The following XPO7 variants were observed in gnomAD, a reference collection of about 807,000 sequenced individuals.
XPO7 encodes the protein exportin-7.
Under a neutral mutation model 144.3 loss-of-function variants are expected in XPO7, and 21 were observed. The observed-to-expected ratio is 0.15, with a 90% CI of 0.10 to 0.21. XPO7 has a LOEUF of 0.21. Among genes scored for constraint, XPO7 ranks in the 10% least tolerant of loss-of-function variants. XPO7 has a pLI of 1.00. For synonymous variants in XPO7, 580 were observed against 499.6 expected (o/e 1.16, Z -2.15); for missense variants, 808 against 1,325.8 (o/e 0.61, Z 6.06).
At chr8:21,925,843 C>T (rs750427291) in intron 1 of XPO7, among the ~76,000 whole-genome samples, 5 of 152,186 alleles carry the variant, frequency 3.3e-5, no homozygotes, top group African/African-American at 4.8e-5. Flanking sequence ...TATTTATGCT[C>T]AAACCAACAT....
At chr8:21,970,349 C>G in intron 4 of XPO7, 39 bp downstream of exon 4, 1 of 1,567,826 alleles carries the variant, frequency 6.4e-7, no homozygotes, top group South Asian at 1.2e-5. Context: ...AATGGGAGAA[C>G]CAGCATATAC....
chr8:22,005,263 C>G lies in XPO7; in HGVS notation c.*175C>G. 1 of 428,688 alleles carries G rather than the reference C, an allele frequency of 2.3e-6. No homozygotes were observed. The highest frequency in any genetic ancestry group is 3.6e-5 in the East Asian group (1 of 27,576). 26.6% of individuals were successfully genotyped at this position (428,688 alleles called of 1,614,324 possible). On this transcript the variant is annotated 3_prime_UTR_variant, in exon 28 of 28. Coordinates refer to ENST00000252512, the MANE Select transcript of XPO7 (RefSeq NM_015024.5). Reference sequence around the variant, plus strand: ...GGGAATAGGGGTGTGAGTACACTCACTAGGGGGCAGGGCGCTGCTGGTTCC... The same window carrying G: ...GGGAATAGGGGTGTGAGTACACTCAGTAGGGGGCAGGGCGCTGCTGGTTCC...
chr8:21,940,493 G>A lies in XPO7; in HGVS notation c.18+20705G>A, dbSNP rs184799666. The stretch of plus-strand genomic sequence containing the variant: ...GTTAGGCTTTTTTTTTTTTTGAGCC[G>A]GAGTCTCACTGTGTCACCCAGGCTG... On this transcript the variant is annotated intron_variant, in intron 1 of 27. Transcript: ENST00000252512. Among the ~76,000 whole-genome samples, 510 of 150,526 alleles carry A rather than the reference G, an allele frequency of 3.4e-3. 2 individuals carry two copies. Among genetic ancestry groups the A allele is most frequent in the Middle Eastern group, 6.8e-3 (2 of 292 alleles).
intron 12 of XPO7, 93 bp downstream of exon 12, chr8:21,984,932 A>C: frequency 7.4e-7 from 1 of 1,354,610 alleles, no homozygotes; most frequent in Non-Finnish European, 1.0e-6. Flanking sequence ...ACCTCCCTGC[A>C]AAAGGATTCT....
Position 21,953,625 on chromosome 8 carries a change from G to A in XPO7, c.19-13232G>A, listed in dbSNP as rs555445252. Among the ~76,000 whole-genome samples the A allele has an allele frequency of 2.6e-5, 4 of 152,156 alleles. No individual in the cohort carries two copies. The East Asian group carries it at 7.7e-4, about 29-fold the overall frequency. On this transcript the variant is annotated intron_variant, in intron 1 of 27. Transcript: ENST00000252512. ...TCTTGTAAAGTGGCTGTACCATTTT[G>A]CATTCTCACCAACAGTTCCTGTTGT...
chr8:21,985,442 A>C, intron 12 of XPO7, 144 bp from the exon 13 acceptor site: 2 of 753,110 alleles, frequency 2.7e-6, no homozygotes, highest in East Asian at 5.0e-5. Context: ...GCCCTTACCA[A>C]AGCAGAGAAG....
chr8:21,969,972 CTTAAAT>C (rs1811999192), intron 3 of XPO7, 166 bp from the exon 4 acceptor site: 3 of 753,590 alleles, frequency 4.0e-6, no homozygotes, highest in South Asian at 2.1e-5. Flanking sequence ...ACCTACTAAT[CTTAAAT>C]TTAAAGTCCC....
chr8:21,928,160 T>C (rs1013430091), intron 1 of XPO7, among the ~76,000 whole-genome samples: 5 of 152,246 alleles, frequency 3.3e-5, no homozygotes, highest in African/African-American at 9.6e-5. Context: ...GTTTGCATTT[T>C]CTGGAATTTT....
Position 21,970,271 on chromosome 8 carries a change from C to G in XPO7, c.387C>G (p.Val129=), listed in dbSNP as rs752777783. The G allele has an allele frequency of 1.2e-6, 2 of 1,613,442 alleles. No individual in the cohort carries two copies. The highest frequency in any genetic ancestry group is 1.1e-5 in the South Asian group (1 of 91,070). Residue 129 remains valine, a synonymous_variant, in exon 4 of 28, where the codon GTC becomes GTG. Transcript: ENST00000252512. ...TTGACTGTCAGAAGGATGACTATGTCTTCAGAAATGCAATCACAGACGTCA... is the reference window on the plus strand; with the variant it reads ...TTGACTGTCAGAAGGATGACTATGTGTTCAGAAATGCAATCACAGACGTCA... ...GWFDCQKDDY[V]FRNAITDVTR...
chr8:22,000,513 C>T (rs566320644), intron 24 of XPO7, among the ~76,000 whole-genome samples: 100 of 141,536 alleles, frequency 7.1e-4, no homozygotes, highest in African/African-American at 2.5e-3. Flanking sequence ...AGTGCAGTGG[C>T]GCGATCTCAG....
At chr8:21,938,466 A>G (rs942688457) in intron 1 of XPO7, among the ~76,000 whole-genome samples, 3 of 152,144 alleles carry the variant, frequency 2.0e-5, no homozygotes, top group African/African-American at 7.2e-5. Flanking sequence ...TCATTATATC[A>G]GGACTGCTGG....
Position 21,991,956 on chromosome 8 carries a change from C to G in XPO7, c.2130C>G (p.Phe710Leu). The change falls in exon 19 of 28, where the codon TTC (phenylalanine) becomes TTG (leucine). Residue 710 changes from phenylalanine to leucine, a missense_variant. This residue lies in a region of XPO7 where 416 missense variants were observed against 612.5 expected (regional missense o/e 0.68). Transcript: ENST00000252512. ...CCCAGATGTTTAGCACCAATAGTTT[C>G]AACGAGCAGGAGGCAAAGGTGAGTG... is the stretch of plus-strand genomic sequence containing the variant. ...AVAQMFSTNS[F>L]NEQEAKRTLV... The G allele has an allele frequency of 6.2e-7, 1 of 1,613,438 alleles. No individual in the cohort carries two copies. The highest frequency in any genetic ancestry group is 8.5e-7 in the Non-Finnish European group (1 of 1,179,742).
chr8:21,951,331 A>G (rs1423099958), intron 1 of XPO7, among the ~76,000 whole-genome samples: 1 of 151,718 alleles, frequency 6.6e-6, no homozygotes, highest in Non-Finnish European at 1.5e-5. Flanking sequence ...CTACACTTCT[A>G]TTATATACCC....
rs139721708 is a variant in XPO7, at chr8:21,938,927, T to C, written c.18+19139T>C. 3.8e-3 allele frequency among the ~76,000 whole-genome samples: 582 copies of C among 152,334 alleles called. 2 individuals carry two copies. Among genetic ancestry groups the C allele is most frequent in the South Asian group, 0.026 (128 of 4,832 alleles). ...GCATTTTAAATCTCTTATTATACTT[T>C]TAAATGTTTAGAATAATTGCCCTTC... On this transcript the variant is annotated intron_variant, in intron 1 of 27. Transcript: ENST00000252512.
intron 1 of XPO7, among the ~76,000 whole-genome samples, chr8:21,941,346 C>T (rs1810986999): frequency 6.6e-6 from 1 of 151,852 alleles, no homozygotes; most frequent in Non-Finnish European, 1.5e-5. Flanking sequence ...GAGATGGGGT[C>T]TGGCCCTGTT....
intron 1 of XPO7, among the ~76,000 whole-genome samples, chr8:21,932,902 A>G (rs933883034): frequency 5.9e-5 from 9 of 152,130 alleles, no homozygotes; most frequent in Non-Finnish European, 1.0e-4. Context: ...TGTATATTTA[A>G]TATTCACATT....
intron 1 of XPO7, among the ~76,000 whole-genome samples, chr8:21,965,388 C>T (rs772306991): frequency 1.4e-4 from 21 of 152,164 alleles, no homozygotes; most frequent in Admixed American, 7.9e-4. Context: ...TGTGAATAAA[C>T]TCAGGTACTA....
rs767382663 is a variant in XPO7, at chr8:21,994,479, T to G, written c.2237+28T>G. On this transcript the variant is annotated intron_variant, in intron 20 of 27. Transcript: ENST00000252512. ...ATCCTAACTCAAACTAGGAGCACACTACAGCCTGCCTTAACTGGAGTGTGA... is the reference window on the plus strand; with the variant it reads ...ATCCTAACTCAAACTAGGAGCACACGACAGCCTGCCTTAACTGGAGTGTGA... 6.9e-6 allele frequency: 11 copies of G among 1,592,708 alleles called. No homozygotes were observed. The South Asian group carries it at 1.2e-4, about 18-fold the overall frequency.
At chr8:21,948,603 A>G (rs948347795) in intron 1 of XPO7, among the ~76,000 whole-genome samples, 2 of 152,220 alleles carry the variant, frequency 1.3e-5, no homozygotes, top group African/African-American at 4.8e-5. Flanking sequence ...TGACTCACAT[A>G]AAATTGTCAT....
Sources: gnomAD v4.1 joint callset for allele counts (sites outside exome capture counted in the v4.1 genomes callset) on GRCh38, gnomAD v4.1.1 for gene constraint, gnomAD v4.1.1 regional missense constraint, MANE v1.5 for transcripts, NCBI Gene and HGNC (gene_info 2026-07-23, HGNC 2026-07-21) for gene names.